TMEM132D: variants seen among roughly 807,000 people sequenced by gnomAD.
The protein encoded by TMEM132D is transmembrane protein 132D.
A neutral mutation model predicts 62.3 loss-of-function variants in TMEM132D; 21 were observed. The observed-to-expected ratio is 0.34, with a 90% confidence interval of 0.24 to 0.49. The LOEUF is 0.49. TMEM132D is among the 20% of genes least tolerant of loss of function. The probability of loss-of-function intolerance (pLI) is 0.99; values close to 1 mark genes in which losing one functional copy is unlikely to be tolerated. For missense variants in TMEM132D, 1,346 were observed against 1,402.8 expected (o/e 0.96, Z 0.65); for synonymous variants, 621 against 575.6 (o/e 1.08, Z -1.13).
In TMEM132D at chr12:129,525,226, G is replaced by GTTTTTTTTT. The variant is rs765569025; in HGVS notation, c.1115+5824_1115+5832dup. Among the ~76,000 whole-genome samples the GTTTTTTTTT allele has an allele frequency of 4.5e-5, 3 of 67,392 alleles. 1 individual carries two copies. The highest frequency in any genetic ancestry group is 8.6e-5 in the Non-Finnish European group (3 of 34,754). 44.2% of individuals were successfully genotyped at this position (67,392 alleles called of 152,430 possible). A position where few individuals can be genotyped will look rare whatever the true frequency, so the allele number is the denominator to read the frequency against. On this transcript the variant is annotated intron_variant, in intron 3 of 8. Coordinates refer to ENST00000422113, the MANE Select transcript of TMEM132D (RefSeq NM_133448.3). ...GGGTATGAGCCACGGTGCCCAGCCG[G>GTTTTTTTTT]TTTTTTTTTTTTTTTTTTTTTTTTT...
intron 1 of TMEM132D, among the ~76,000 whole-genome samples, chr12:129,717,051 C>T (rs1242472294): frequency 2.0e-5 from 3 of 152,180 alleles, no homozygotes; most frequent in Non-Finnish European, 4.4e-5. Context: ...GTATCCAGGC[C>T]AGTGCAGTCT....
At chr12:129,290,160 T>C (rs890062926) in intron 4 of TMEM132D, among the ~76,000 whole-genome samples, 2 of 152,198 alleles carry the variant, frequency 1.3e-5, no homozygotes, top group African/African-American at 4.8e-5. Context: ...GCTCAACTTA[T>C]TTTAAAATGA....
chr12:129,486,400 C>T (rs986058092), intron 3 of TMEM132D, among the ~76,000 whole-genome samples: 19 of 152,142 alleles, frequency 1.2e-4, no homozygotes, highest in Non-Finnish European at 2.5e-4. Context: ...TGTACTTGCC[C>T]AGACCCCATA....
At chr12:129,554,476 G>C (rs1876996450) in intron 2 of TMEM132D, among the ~76,000 whole-genome samples, 1 of 152,108 alleles carries the variant, frequency 6.6e-6, no homozygotes, top group South Asian at 2.1e-4. Flanking sequence ...GGTGACCCTT[G>C]ATTCCTGAGG....
At chr12:129,618,840 T>C (rs1441986494) in intron 2 of TMEM132D, among the ~76,000 whole-genome samples, 5 of 152,164 alleles carry the variant, frequency 3.3e-5, no homozygotes, top group East Asian at 1.9e-4. Flanking sequence ...CTTGCTTTTA[T>C]ATACTTTAGG....
chr12:129,803,497 G>C (rs376936065), intron 1 of TMEM132D, among the ~76,000 whole-genome samples: 11 of 151,790 alleles, frequency 7.2e-5, no homozygotes, highest in Admixed American at 5.3e-4. Flanking sequence ...CCAACGAGAA[G>C]AAAGACACAA....
intron 1 of TMEM132D, among the ~76,000 whole-genome samples, chr12:129,863,766 A>T (rs1005145696): frequency 6.6e-6 from 1 of 151,992 alleles, no homozygotes; most frequent in Non-Finnish European, 1.5e-5. Flanking sequence ...ACATCTAGGT[A>T]TTGTTTGTTT....
At chr12:129,274,436 C>G (rs1207476906) in intron 4 of TMEM132D, among the ~76,000 whole-genome samples, 1 of 152,186 alleles carries the variant, frequency 6.6e-6, no homozygotes, top group African/African-American at 2.4e-5. Flanking sequence ...GAGTCTTTTA[C>G]AGAGGTGGTA....
At chr12:129,649,786 ATGTG>A (rs1162283838) in intron 2 of TMEM132D, among the ~76,000 whole-genome samples, 6 of 151,686 alleles carry the variant, frequency 4.0e-5, no homozygotes, top group African/African-American at 7.3e-5. Flanking sequence ...GTGTATATGT[ATGTG>A]TGTGTGCGTA....
intron 5 of TMEM132D, among the ~76,000 whole-genome samples, chr12:129,202,359 C>T (rs1383398444): frequency 1.3e-5 from 2 of 152,188 alleles, no homozygotes; most frequent in East Asian, 1.9e-4. Context: ...TCTTTGTCAA[C>T]ATCTGTGATT....
chr12:129,594,690 G>A (rs753496539), intron 2 of TMEM132D, among the ~76,000 whole-genome samples: 4 of 152,150 alleles, frequency 2.6e-5, no homozygotes, highest in African/African-American at 4.8e-5. Flanking sequence ...TCAGTACTGG[G>A]CACTTTGCCT....
intron 4 of TMEM132D, among the ~76,000 whole-genome samples, chr12:129,297,311 C>A (rs1017607681): frequency 6.6e-6 from 1 of 152,212 alleles, no homozygotes; most frequent in African/African-American, 2.4e-5. Context: ...CACAGGCCTT[C>A]CCGAGTGATT....
At chr12:129,555,512 G>C (rs1194300445) in intron 2 of TMEM132D, among the ~76,000 whole-genome samples, 2 of 152,164 alleles carry the variant, frequency 1.3e-5, no homozygotes, top group Non-Finnish European at 2.9e-5. Context: ...ATTTCGAAGA[G>C]TTTCATGTAT....
chr12:129,860,761 A>G (rs1873869593), intron 1 of TMEM132D, among the ~76,000 whole-genome samples: 1 of 152,208 alleles, frequency 6.6e-6, no homozygotes, highest in Non-Finnish European at 1.5e-5. Context: ...ACTTACAATC[A>G]TGAAAGAAGG....
chr12:129,348,330 A>T (rs1869753067), intron 3 of TMEM132D, among the ~76,000 whole-genome samples: 1 of 152,262 alleles, frequency 6.6e-6, no homozygotes, highest in African/African-American at 2.4e-5. Context: ...GATAGACTGG[A>T]TAAAGAAAAT....
At chr12:129,280,679 A>ATATC (rs569940129) in intron 4 of TMEM132D, among the ~76,000 whole-genome samples, 1,687 of 152,166 alleles carry the variant, frequency 0.011, 24 homozygotes, top group African/African-American at 0.039. Flanking sequence ...TTTGTTTGTA[A>ATATC]TATCTATCTA....
chr12:129,443,832 G>A (rs771308142), intron 3 of TMEM132D, among the ~76,000 whole-genome samples: 3 of 152,082 alleles, frequency 2.0e-5, no homozygotes, highest in African/African-American at 7.2e-5. Flanking sequence ...ATTCTTTGTC[G>A]ATAATGATTG....
chr12:129,512,338 G>T (rs1402525846), intron 3 of TMEM132D, among the ~76,000 whole-genome samples: 8 of 152,164 alleles, frequency 5.3e-5, no homozygotes, highest in Non-Finnish European at 1.0e-4. Context: ...ACTGGAGAGA[G>T]ACTTTGTAGT....
At chr12:129,417,940 T>C (rs569545025) in intron 3 of TMEM132D, among the ~76,000 whole-genome samples, 1 of 152,152 alleles carries the variant, frequency 6.6e-6, no homozygotes, top group East Asian at 1.9e-4. Context: ...CCAAGAAACA[T>C]ATGAAAAAAA....
Sources: allele counts gnomAD v4.1 joint callset (sites outside exome capture counted in the v4.1 genomes callset), GRCh38; gene constraint gnomAD v4.1.1; transcripts MANE v1.5; gene names NCBI Gene and HGNC (gene_info 2026-07-23, HGNC 2026-07-21).